The following GSG1L variants were observed in gnomAD, a reference collection of about 807,000 sequenced individuals.
GSG1L encodes germ cell-specific gene 1-like protein.
A neutral mutation model predicts 42.1 loss-of-function variants in GSG1L; 24 were observed. That is an observed-to-expected ratio of 0.57 (90% CI 0.41 to 0.80). GSG1L has a LOEUF of 0.80. Ranked by LOEUF, GSG1L falls within the 30% of genes least tolerant of loss-of-function variation. The probability of loss-of-function intolerance (pLI) is 0.00; values close to 1 mark genes in which losing one functional copy is unlikely to be tolerated. For missense variants in GSG1L, 445 were observed against 472.2 expected (o/e 0.94, Z 0.53); for synonymous variants, 215 against 203.5 (o/e 1.06, Z -0.48).
At chr16:27,986,586 T>C (rs888055059) in intron 1 of GSG1L, among the ~76,000 whole-genome samples, 3 of 151,608 alleles carry the variant, frequency 2.0e-5, no homozygotes, top group African/African-American at 7.3e-5. Context: ...GGGATAAGAC[T>C]CCTGCAGGGG....
intron 6 of GSG1L, among the ~76,000 whole-genome samples, chr16:27,804,735 G>A (rs550373643): frequency 3.3e-4 from 20 of 61,274 alleles, no homozygotes; most frequent in Non-Finnish European, 3.5e-4. Context: ...GGCGGATGTG[G>A]GGGCTGAGAT....
intron 1 of GSG1L, among the ~76,000 whole-genome samples, chr16:28,053,430 A>G (rs2141196941): frequency 6.6e-6 from 1 of 152,288 alleles, no homozygotes; most frequent in African/African-American, 2.4e-5. Flanking sequence ...TCCTCCAAAC[A>G]CTGCACCCAC....
At chr16:27,948,800 G>A (rs1014781092) in intron 2 of GSG1L, among the ~76,000 whole-genome samples, 21 of 150,538 alleles carry the variant, frequency 1.4e-4, no homozygotes, top group African/African-American at 4.2e-4. Context: ...TAGTAGAGAC[G>A]GGGTTTCATC....
At chr16:28,043,114 TA>T (rs751150131) in intron 1 of GSG1L, among the ~76,000 whole-genome samples, 2 of 152,158 alleles carry the variant, frequency 1.3e-5, no homozygotes, top group Non-Finnish European at 2.9e-5. Flanking sequence ...GGTACAACAC[TA>T]GGGGCAGAGA....
intron 1 of GSG1L, among the ~76,000 whole-genome samples, chr16:27,999,736 A>G (rs1318130274): frequency 6.6e-6 from 1 of 152,166 alleles, no homozygotes; most frequent in Admixed American, 6.5e-5. Context: ...TCAAAATCTT[A>G]AAGGTTCTTT....
At position 27,883,785 on chromosome 16, in the gene GSG1L, C is replaced by T. The variant is rs117433073; in HGVS notation, c.550+701G>A. On this transcript the variant is annotated intron_variant, in intron 3 of 6. Transcript: ENST00000447459. ...GTAATCCCAGCTTAACCCCTGATGA[C>T]CTGAATCTGCTGCAGCGACCCTGGG... is the stretch of plus-strand genomic sequence containing the variant. Among the ~76,000 whole-genome samples the T allele has an allele frequency of 2.0e-4, 30 of 152,322 alleles. No homozygotes were observed. The East Asian group carries it at 5.2e-3, about 26-fold the overall frequency.
chr16:27,863,661 C>A (rs2083681469), intron 3 of GSG1L, among the ~76,000 whole-genome samples: 1 of 152,184 alleles, frequency 6.6e-6, no homozygotes, highest in African/African-American at 2.4e-5. Flanking sequence ...CAGGGGATTC[C>A]AGGCCCAAAG....
intron 1 of GSG1L, among the ~76,000 whole-genome samples, chr16:28,005,367 G>A (rs951670589): frequency 2.3e-4 from 35 of 152,072 alleles, no homozygotes; most frequent in African/African-American, 1.9e-4. Flanking sequence ...GCCCTCCTCC[G>A]CCTCCCAAAG....
chr16:28,053,381 G>A (rs2086240552), intron 1 of GSG1L, among the ~76,000 whole-genome samples: 1 of 152,124 alleles, frequency 6.6e-6, no homozygotes, highest in South Asian at 2.1e-4. Flanking sequence ...TATTATTTGG[G>A]CAACATGAAG....
Position 27,797,735 on chromosome 16 carries a change from T to C in GSG1L, c.899-6268A>G, listed in dbSNP as rs1482041376. On this transcript the variant is annotated intron_variant, in intron 6 of 6. Transcript: ENST00000447459. Reference sequence around the variant, plus strand: ...TACTCGGGAGGCTGAGGCAGGAGAATGGTGTTAACCCAGGAGGCGGAGCTG... The same window carrying C: ...TACTCGGGAGGCTGAGGCAGGAGAACGGTGTTAACCCAGGAGGCGGAGCTG... Among the ~76,000 whole-genome samples the C allele has an allele frequency of 3.5e-5, 5 of 143,358 alleles. 1 individual carries two copies. In the South Asian group the frequency reaches 6.5e-4, roughly 18 times the overall value. 94.0% of individuals were successfully genotyped at this position (143,358 alleles called of 152,430 possible).
chr16:27,827,305 C>G (rs1333004226), intron 5 of GSG1L, among the ~76,000 whole-genome samples: 1 of 152,134 alleles, frequency 6.6e-6, no homozygotes, highest in Non-Finnish European at 1.5e-5. Flanking sequence ...TCGCGGGTAC[C>G]TCTAGGTGCT....
intron 2 of GSG1L, among the ~76,000 whole-genome samples, chr16:27,895,420 G>A (rs185497696): frequency 0.012 from 1,771 of 152,142 alleles, 19 homozygotes; most frequent in Non-Finnish European, 0.017. Flanking sequence ...CCTATACGAC[G>A]AAATCAGTCA....
chr16:27,907,075 G>A (rs776003568), intron 2 of GSG1L, among the ~76,000 whole-genome samples: 14 of 152,172 alleles, frequency 9.2e-5, no homozygotes, highest in Non-Finnish European at 1.5e-4. Flanking sequence ...ATTGGTTAAG[G>A]GATGGGCACA....
At chr16:27,907,660 T>A (rs949520838) in intron 2 of GSG1L, among the ~76,000 whole-genome samples, 3 of 152,240 alleles carry the variant, frequency 2.0e-5, no homozygotes, top group African/African-American at 7.2e-5. Flanking sequence ...GACTGTGTGA[T>A]CTGAGCAATT....
intron 1 of GSG1L, among the ~76,000 whole-genome samples, chr16:28,007,855 C>T (rs919884695): frequency 1.3e-5 from 2 of 152,064 alleles, no homozygotes; most frequent in Non-Finnish European, 2.9e-5. Flanking sequence ...TTGTGGTAAT[C>T]TGAGGACCCT....
At chr16:27,804,033 A>AGATG (rs1353363639) in intron 6 of GSG1L, among the ~76,000 whole-genome samples, 14 of 91,232 alleles carry the variant, frequency 1.5e-4, no homozygotes, top group African/African-American at 7.4e-4. Flanking sequence ...TAGATAGATT[A>AGATG]GATGGATAGA....
rs1388215727 is a variant in GSG1L, at chr16:27,868,654, TA to T, written c.550+15831del. Among the ~76,000 whole-genome samples, 7 of 152,178 alleles carry T rather than the reference TA, an allele frequency of 4.6e-5. No individual in the cohort carries two copies. The South Asian group carries it at 1.2e-3, about 27-fold the overall frequency. ...TTTTAAAAATTTGGAGGATTTCCAT[TA>T]AAATATGGGAGTTTTGGCTTCTCTT... On this transcript the variant is annotated intron_variant, in intron 3 of 6. Coordinates refer to ENST00000447459, the MANE Select transcript of GSG1L (RefSeq NM_001109763.2).
At chr16:28,048,133 T>A (rs1236149698) in intron 1 of GSG1L, among the ~76,000 whole-genome samples, 1 of 151,778 alleles carries the variant, frequency 6.6e-6, no homozygotes, top group Non-Finnish European at 1.5e-5. Context: ...GAGGCTGAGA[T>A]GGAAGGATCA....
chr16:27,867,484 T>A (rs2083743654), intron 3 of GSG1L, among the ~76,000 whole-genome samples: 1 of 152,198 alleles, frequency 6.6e-6, no homozygotes, highest in South Asian at 2.1e-4. Context: ...CAGTGAGCGC[T>A]GCCCCATGAG....
Sources: allele counts gnomAD v4.1 joint callset (sites outside exome capture counted in the v4.1 genomes callset), GRCh38; gene constraint gnomAD v4.1.1; transcripts MANE v1.5; gene names NCBI Gene and HGNC (gene_info 2026-07-23, HGNC 2026-07-21).